CSGALNACT1: variants seen among roughly 807,000 people sequenced by gnomAD.
CSGALNACT1 encodes the protein chondroitin sulfate N-acetylgalactosaminyltransferase 1.
CSGALNACT1 carries 52 observed loss-of-function variants against 51.0 expected under a neutral mutation model. That is an observed-to-expected ratio of 1.02 (90% CI 0.82 to 1.29). The LOEUF (loss-of-function observed/expected upper bound fraction) is 1.29. CSGALNACT1 is among the 50% of genes most tolerant of loss of function. CSGALNACT1 has a pLI of 0.00. For missense variants in CSGALNACT1, 935 were observed against 679.2 expected, an observed-to-expected ratio of 1.38 and a Z score of -4.19; for synonymous variants, 341 against 254.4, an observed-to-expected ratio of 1.34 and a Z score of -3.24.
chr8:19,475,525 A>C (rs915115955), intron 4 of CSGALNACT1, among the ~76,000 whole-genome samples: 4 of 152,304 alleles, frequency 2.6e-5, no homozygotes, highest in African/African-American at 9.6e-5. Flanking sequence ...AGAAGCATCA[A>C]TCTTGTGCCA....
At chr8:19,753,140 T>C (rs943571998) in intron 1 of CSGALNACT1, among the ~76,000 whole-genome samples, 2 of 152,180 alleles carry the variant, frequency 1.3e-5, no homozygotes, top group African/African-American at 2.4e-5. Context: ...AGCTGGGGGT[T>C]TGAGGATAAG....
At chr8:19,626,699 G>C (rs77268409) in intron 1 of CSGALNACT1, among the ~76,000 whole-genome samples, 1,751 of 152,308 alleles carry the variant, frequency 0.011, 36 homozygotes, top group African/African-American at 0.04. Context: ...CTTGCTTTCA[G>C]TATATTTAAA....
chr8:19,747,013 G>A (rs551879314), intron 1 of CSGALNACT1, among the ~76,000 whole-genome samples: 6 of 152,294 alleles, frequency 3.9e-5, no homozygotes, highest in African/African-American at 1.4e-4. Context: ...TTAGTGGGTG[G>A]CCAGCTCCAC....
At chr8:19,545,177 T>G (rs2154075779) in intron 3 of CSGALNACT1, among the ~76,000 whole-genome samples, 1 of 152,288 alleles carries the variant, frequency 6.6e-6, no homozygotes, top group South Asian at 2.1e-4. Context: ...CTTGACCCAG[T>G]CTTGCCTGTC....
chr8:19,446,838 A>G (rs573184830), intron 5 of CSGALNACT1, among the ~76,000 whole-genome samples: 1 of 152,250 alleles, frequency 6.6e-6, no homozygotes, highest in African/African-American at 2.4e-5. Context: ...GTATTCCACA[A>G]AGACTCTTTT....
intron 3 of CSGALNACT1, among the ~76,000 whole-genome samples, chr8:19,529,045 T>C (rs1300782483): frequency 6.6e-6 from 1 of 152,184 alleles, no homozygotes; most frequent in Non-Finnish European, 1.5e-5. Flanking sequence ...GTCTCAAAAT[T>C]TGAATATACC....
intron 3 of CSGALNACT1, among the ~76,000 whole-genome samples, chr8:19,559,826 C>G (rs115711947): frequency 0.011 from 1,714 of 152,214 alleles, 24 homozygotes; most frequent in African/African-American, 0.039. Flanking sequence ...TCCAAATGAA[C>G]TTATAGAATC....
intron 6 of CSGALNACT1, among the ~76,000 whole-genome samples, chr8:19,422,335 A>C (rs2058076269): frequency 1.3e-5 from 2 of 152,102 alleles, no homozygotes; most frequent in South Asian, 4.1e-4. Context: ...TGGGACTACA[A>C]GTGCATGCTA....
chr8:19,432,955 ATT>A (rs909149494), intron 6 of CSGALNACT1, among the ~76,000 whole-genome samples: 3 of 149,728 alleles, frequency 2.0e-5, no homozygotes, highest in Admixed American at 1.3e-4. Context: ...CTAATGACCG[ATT>A]TTTTTTTTCT....
intron 2 of CSGALNACT1, among the ~76,000 whole-genome samples, chr8:19,599,529 G>GAAAGAAAAC (rs2049916100): frequency 8.2e-6 from 1 of 121,502 alleles, no homozygotes; most frequent in Non-Finnish European, 1.8e-5. Flanking sequence ...AGAAAGAAAA[G>GAAAGAAAAC]AAAGAAAAAG....
intron 1 of CSGALNACT1, among the ~76,000 whole-genome samples, chr8:19,735,190 G>A (rs1254689328): frequency 1.3e-5 from 2 of 151,986 alleles, no homozygotes; most frequent in African/African-American, 4.8e-5. Context: ...CTCAGCATTG[G>A]CTCTGGGTGA....
intron 5 of CSGALNACT1, among the ~76,000 whole-genome samples, chr8:19,447,453 T>A (rs2062337114): frequency 6.6e-6 from 1 of 152,182 alleles, no homozygotes; most frequent in South Asian, 2.1e-4. Context: ...ATCTGAGGCC[T>A]GATTTGAGGA....
intron 1 of CSGALNACT1, among the ~76,000 whole-genome samples, chr8:19,615,449 C>T (rs2052871510): frequency 6.6e-6 from 1 of 152,196 alleles, no homozygotes; most frequent in Admixed American, 6.5e-5. Flanking sequence ...TACTTTGAGT[C>T]AAACAAACCA....
intron 3 of CSGALNACT1, among the ~76,000 whole-genome samples, chr8:19,565,392 C>G (rs373498077): frequency 2.0e-5 from 3 of 152,192 alleles, no homozygotes; most frequent in African/African-American, 7.2e-5. Flanking sequence ...GACTACAAAA[C>G]TAATAAAGTC....
chr8:19,626,617 C>T (rs1419406123), intron 1 of CSGALNACT1, among the ~76,000 whole-genome samples: 2 of 152,132 alleles, frequency 1.3e-5, no homozygotes, highest in Non-Finnish European at 2.9e-5. Context: ...CACAAAGTAT[C>T]TTGGGAATAG....
chr8:19,591,043 C>A (rs114974414), intron 3 of CSGALNACT1: 1 of 152,154 alleles, frequency 6.6e-6, no homozygotes, highest in Non-Finnish European at 1.5e-5. Context: ...GAACCAAGAA[C>A]GGTGAAGAAC....
chr8:19,514,180 G>A (rs2079028111), intron 3 of CSGALNACT1, among the ~76,000 whole-genome samples: 1 of 152,068 alleles, frequency 6.6e-6, no homozygotes, highest in South Asian at 2.1e-4. Flanking sequence ...ATCCCAGCGA[G>A]AGGACAGGGG....
chr8:19,518,794 G>T (rs1376627476), intron 3 of CSGALNACT1, among the ~76,000 whole-genome samples: 1 of 152,176 alleles, frequency 6.6e-6, no homozygotes, highest in Non-Finnish European at 1.5e-5. Flanking sequence ...CAGATTGCAG[G>T]CAGAGATGCT....
intron 1 of CSGALNACT1, among the ~76,000 whole-genome samples, chr8:19,658,062 C>CA (rs397973082): frequency 0.6 from 51,899 of 85,886 alleles, 15,216 homozygotes; most frequent in Admixed American, 0.68. Context: ...ACCCTCCTTC[C>CA]AAAAAAAAAA....
Sources: allele counts gnomAD v4.1 joint callset (sites outside exome capture counted in the v4.1 genomes callset), GRCh38; gene constraint gnomAD v4.1.1; transcripts MANE v1.5; gene names NCBI Gene and HGNC (gene_info 2026-07-23, HGNC 2026-07-21).